Variants in ALG12 observed in about 807,000 individuals in gnomAD.
ALG12 encodes dol-P-Man:Man(7)GlcNAc(2)-PP-Dol alpha-1,6-mannosyltransferase.
In ALG12, 36 loss-of-function variants were observed where a neutral mutation model predicts 46.0. That is an observed-to-expected ratio of 0.78 (90% confidence interval 0.60 to 1.03). The LOEUF is 1.03. ALG12 is among the 50% of genes least tolerant of loss of function. The probability of loss-of-function intolerance (pLI) is 0.00; values close to 1 mark genes in which losing one functional copy is unlikely to be tolerated. For synonymous variants in ALG12, 326 were observed against 291.6 expected, an observed-to-expected ratio of 1.12 and a Z score of -1.20; for missense variants, 599 against 633.5, an observed-to-expected ratio of 0.95 and a Z score of 0.58.
chr22:49,888,750 G>A, the ALG12 span: 2 of 167,402 alleles, frequency 1.2e-5, no homozygotes. Context: ...GTAGCTGTGC[G>A]CTTGTTCCCG....
downstream of ALG12, among the ~76,000 whole-genome samples, chr22:49,895,600 T>C (rs1403961803): frequency 2.0e-5 from 3 of 151,092 alleles, no homozygotes; most frequent in Non-Finnish European, 4.4e-5. Context: ...TGCAGTGAGC[T>C]GAGGTCGCAC....
intron 6 of ALG12, 26 bp from the exon 7 acceptor site, chr22:49,907,970 G>A (rs781345561): frequency 3.4e-5 from 54 of 1,605,934 alleles, no homozygotes; most frequent in Non-Finnish European, 4.2e-5. Flanking sequence ...AGGAGGCCAC[G>A]CACCTGTCCA....
the ALG12 span, among the ~76,000 whole-genome samples, chr22:49,892,605 T>G: frequency 6.6e-6 from 1 of 152,186 alleles, no homozygotes; most frequent in Admixed American, 6.5e-5. Context: ...AGACAAAACT[T>G]GGGACTTCAG....
chr22:49,910,423 C>T lies in ALG12; in HGVS notation c.469+11G>A. 1 of 1,612,886 alleles carries T rather than the reference C, an allele frequency of 6.2e-7. No individual in the cohort carries two copies. The highest frequency in any genetic ancestry group is 8.5e-7 in the Non-Finnish European group (1 of 1,179,688). ...ACCATGGGTGTGCAGGCCCGGCCGG[C>T]AGCTACGTACCTACAGGCAGGGCCA... On this transcript the variant is annotated intron_variant, in intron 4 of 9. Transcript: ENST00000330817.
At chr22:49,862,693 C>CTTTTTTTTT in the ALG12 span, among the ~76,000 whole-genome samples, 1 of 58,988 alleles carries the variant, frequency 1.7e-5, no homozygotes, top group African/African-American at 5.6e-5. Context: ...TAAGTTTTTC[C>CTTTTTTTTT]TTTTTTTTTT....
At chr22:49,885,121 G>T in the ALG12 span, 4 of 1,614,208 alleles carry the variant, frequency 2.5e-6, no homozygotes, top group Non-Finnish European at 3.4e-6. Flanking sequence ...CATCAGCCGG[G>T]GGAAGAAGGG....
At chr22:49,914,607 G>C (rs1267066358) in intron 1 of ALG12, among the ~76,000 whole-genome samples, 1 of 152,266 alleles carries the variant, frequency 6.6e-6, no homozygotes, top group Non-Finnish European at 1.5e-5. Flanking sequence ...GAGACCAAGG[G>C]AGGGGAGGGG....
Position 49,909,347 on chromosome 22 carries a change from C to G in ALG12, c.665G>C (p.Gly222Ala), listed in dbSNP as rs149209714. Residue 222 changes from glycine to alanine, a missense_variant and splice_region_variant, in exon 6 of 10, where the codon GGA becomes GCA. Gly to Ala is a moderately conservative substitution (Grantham distance 60). Coordinates refer to ENST00000330817, the MANE Select transcript of ALG12 (RefSeq NM_024105.4). ...ATAAGAGTCCACAGCAACCGTCAGT[C>G]CTGACAAAATAAAATAGAGTTTCTT... Reference protein sequence around the residue: ...HAVPAGILCLGLTVAVDSYFW... With the variant: ...HAVPAGILCLALTVAVDSYFW... 181 of 1,614,152 alleles carry G rather than the reference C, an allele frequency of 1.1e-4. 1 individual carries two copies. The African/African-American group carries it at 2.2e-3, about 20-fold the overall frequency.
chr22:49,912,689 T>TA (rs1304028962), intron 3 of ALG12, among the ~76,000 whole-genome samples: 2 of 152,050 alleles, frequency 1.3e-5, no homozygotes, highest in Non-Finnish European at 2.9e-5. Flanking sequence ...AAAAAAGTGG[T>TA]GATTGCTGAC....
the ALG12 span, among the ~76,000 whole-genome samples, chr22:49,878,189 C>T: frequency 1.3e-5 from 2 of 151,596 alleles, no homozygotes; most frequent in African/African-American, 2.4e-5. Context: ...CCTGTAATTC[C>T]AGCTACTCAG....
At chr22:49,908,951 CAAAA>C (rs35816147) in intron 6 of ALG12, among the ~76,000 whole-genome samples, 2 of 80,506 alleles carry the variant, frequency 2.5e-5, no homozygotes, top group Non-Finnish European at 5.3e-5. Flanking sequence ...GACTCAGTCT[CAAAA>C]AAAAAAAAAA....
the ALG12 span, among the ~76,000 whole-genome samples, chr22:49,891,029 C>CA: frequency 0.022 from 2,656 of 118,978 alleles, 51 homozygotes; most frequent in African/African-American, 0.055. Context: ...GACTCCATCT[C>CA]AAAAAAAAAA....
chr22:49,884,684 A>C, the ALG12 span: 4 of 1,605,316 alleles, frequency 2.5e-6, no homozygotes, highest in Non-Finnish European at 3.4e-6. Context: ...ATCGTGTTGC[A>C]GGAGAACGGG....
chr22:49,910,202 C>T (rs1324871183), intron 4 of ALG12, 114 bp from the exon 5 acceptor site: 1 of 1,321,040 alleles, frequency 7.6e-7, no homozygotes, highest in Non-Finnish European at 1.0e-6. Flanking sequence ...ACACAAATAT[C>T]CCAGAAAAGA....
chr22:49,884,606 G>A, the ALG12 span: 2 of 1,612,180 alleles, frequency 1.2e-6, no homozygotes, highest in African/African-American at 1.3e-5. Flanking sequence ...GAGTTCAGCC[G>A]GGGGAAGAAT....
At position 49,904,353 on chromosome 22, in the gene ALG12, C is replaced by G. The variant is rs1461366589; in HGVS notation, c.1146G>C (p.Leu382=). ...AGCACCCACCTGTCTGGGGGGGCAC[C>G]AGCTGGTGCAGCCTCTGCATTGCGA... ...GGVAMQRLHQ[L]VPPQTDVLLH... is the part of the protein sequence containing the mutation. The change falls in exon 8 of 10, where the codon CTG becomes CTC. Residue 382 remains leucine (L), a synonymous_variant. Transcript: ENST00000330817. 4.3e-6 allele frequency: 7 copies of G among 1,614,092 alleles called. No homozygotes were observed. The African/African-American group carries it at 5.3e-5, about 12-fold the overall frequency.
At chr22:49,898,595 G>T (rs2060492780), downstream of ALG12, among the ~76,000 whole-genome samples, 1 of 151,798 alleles carries the variant, frequency 6.6e-6, no homozygotes, top group African/African-American at 2.4e-5. Context: ...TCACCATGTT[G>T]GCCAGGCTGA....
chr22:49,899,477 CAAA>C (rs944680417), downstream of ALG12, among the ~76,000 whole-genome samples: 2 of 112,360 alleles, frequency 1.8e-5, no homozygotes, highest in Non-Finnish European at 1.9e-5. Flanking sequence ...GACTCCATCT[CAAA>C]AAAAAAAAAA....
intron 1 of ALG12, among the ~76,000 whole-genome samples, chr22:49,914,707 C>A (rs1395361924): frequency 6.6e-6 from 1 of 152,184 alleles, no homozygotes; most frequent in Non-Finnish European, 1.5e-5. Context: ...GGAGAGAGAA[C>A]CCCAGGGCTT....
Sources: allele counts gnomAD v4.1 joint callset (sites outside exome capture counted in the v4.1 genomes callset), GRCh38; gene constraint gnomAD v4.1.1; transcripts MANE v1.5; gene names NCBI Gene and HGNC (gene_info 2026-07-23, HGNC 2026-07-21).